Variants in ITGA3 observed in about 807,000 individuals in gnomAD.
ITGA3 encodes the protein integrin alpha-3.
Under a neutral mutation model 131.1 loss-of-function variants are expected in ITGA3, and 70 were observed. The observed-to-expected ratio is 0.53, with a 90% CI of 0.44 to 0.65. The LOEUF is 0.65. Among genes scored for constraint, ITGA3 ranks in the 30% least tolerant of loss-of-function variants. The probability of loss-of-function intolerance (pLI) is 0.00; values close to 1 mark genes in which losing one functional copy is unlikely to be tolerated. For missense variants in ITGA3, 1,098 were observed against 1,388.6 expected, an observed-to-expected ratio of 0.79 and a Z score of 3.33; for synonymous variants, 537 against 571.6, an observed-to-expected ratio of 0.94 and a Z score of 0.86.
Position 50,076,442 on chromosome 17 carries a change from CA to C in ITGA3, c.1793del (p.Asn598ThrfsTer42). ...LRSLDAYPIL[N>X]QAQALENHTE... ...GGTCCCTGGACGCCTACCCGATCCT[CA>C]ACCAGGCACAGGCTCTGGAGAACCA... On this transcript the variant is annotated frameshift_variant, in exon 13 of 26. Coordinates refer to ENST00000320031, the MANE Select transcript of ITGA3 (RefSeq NM_002204.4). LOFTEE classifies it high-confidence loss of function. 1 of 1,610,512 alleles carries C rather than the reference CA, an allele frequency of 6.2e-7. No individual in the cohort carries two copies. Among genetic ancestry groups the C allele is most frequent in the Non-Finnish European group, 8.5e-7 (1 of 1,179,984 alleles).
Position 50,079,501 on chromosome 17 carries a change from G to A in ITGA3, c.2650G>A (p.Gly884Ser), listed in dbSNP as rs1424151086. The A allele has an allele frequency of 6.3e-7, 1 of 1,579,820 alleles. No individual in the cohort carries two copies. Among genetic ancestry groups the A allele is most frequent in the Non-Finnish European group, 8.6e-7 (1 of 1,163,804 alleles). ...RRQLDPGGGQ[G>S]PPPVTLAAAK... is the part of the protein sequence containing the mutation. ...ACAGCTGGATCCAGGGGGAGGCCAG[G>A]GCCCCCCACCTGTCACTCTGGCTGC... Residue 884 changes from glycine (G) to serine (S), a missense_variant, in exon 21 of 26, where the codon GGC (glycine) becomes AGC (serine). Gly to Ser is a moderately conservative substitution (Grantham distance 56). Transcript: ENST00000320031.
chr17:50,084,007 C>T (rs546773935), intron 23 of ITGA3, among the ~76,000 whole-genome samples: 8 of 151,386 alleles, frequency 5.3e-5, no homozygotes, highest in African/African-American at 1.9e-4. Context: ...GAGGCCAAGG[C>T]GGGTGGATCA....
In ITGA3 at chr17:50,079,119, T is replaced by G; in HGVS notation, c.2444T>G (p.Val815Gly). The change falls in exon 20 of 26, where the codon GTC becomes GGC. Residue 815 changes from valine (V) to glycine (G), a missense_variant. Transcript: ENST00000320031. Reference sequence around the variant, plus strand: ...GGGCTGGTGGGCCTGGGGACCCTGGTCCTAGGTCTGGAGTGGCCCTACGAA... The same window carrying G: ...GGGCTGGTGGGCCTGGGGACCCTGGGCCTAGGTCTGGAGTGGCCCTACGAA... Reference protein sequence around the residue: ...GEGLVGLGTLVLGLEWPYEVS... With the variant: ...GEGLVGLGTLGLGLEWPYEVS... The G allele has an allele frequency of 1.2e-6, 2 of 1,613,868 alleles. No homozygotes were observed. The highest frequency in any genetic ancestry group is 1.7e-6 in the Non-Finnish European group (2 of 1,179,948).
chr17:50,056,243 G>C lies in ITGA3; in HGVS notation c.-197G>C. 3 of 467,964 alleles carry C rather than the reference G, an allele frequency of 6.4e-6. No individual in the cohort carries two copies. Among genetic ancestry groups the C allele is most frequent in the Middle Eastern group, 5.4e-4 (1 of 1,846 alleles). 29.0% of individuals were successfully genotyped at this position (467,964 alleles called of 1,614,324 possible). Reference sequence around the variant, plus strand: ...TGGGGAGGCAGGAAGATAGACCCACGGATCTTAGGAAGGGATCCGAGAGCG... The same window carrying C: ...TGGGGAGGCAGGAAGATAGACCCACCGATCTTAGGAAGGGATCCGAGAGCG... On this transcript the variant is annotated 5_prime_UTR_variant, in exon 1 of 26. Coordinates refer to ENST00000320031, the MANE Select transcript of ITGA3 (RefSeq NM_002204.4). The surrounding 1 kb of genome is among the most constrained non-coding windows in gnomAD (Gnocchi z 5.6).
Position 50,076,329 on chromosome 17 carries a change from A to G in ITGA3, c.1678A>G (p.Asn560Asp). Residue 560 changes from asparagine (N) to aspartate (D), a missense_variant, in exon 13 of 26, where the codon AAC becomes GAC. Physicochemically the swap from Asn to Asp is conservative, Grantham distance 23 (BLOSUM62 1). Transcript: ENST00000320031. ...TCAGCTCACCCTCTCTCCCCAGGAC[A>G]ACCTCCGTGACAAACTCCGCCCCAT... is the stretch of plus-strand genomic sequence containing the variant. ...CQKLELLLMD[N>D]LRDKLRPIII... 3.1e-6 allele frequency: 5 copies of G among 1,613,342 alleles called. No homozygotes were observed. The highest frequency in any genetic ancestry group is 4.2e-6 in the Non-Finnish European group (5 of 1,179,780).
rs1368684277 is a variant in ITGA3, at chr17:50,079,057, A to G, written c.2401-19A>G. The G allele has an allele frequency of 6.2e-7, 1 of 1,603,826 alleles. No individual in the cohort carries two copies. The highest frequency in any genetic ancestry group is 8.5e-7 in the Non-Finnish European group (1 of 1,171,046). ...GGTTTTCCAGGAGATAATGACTATGACACATCTTGTGCCCACAGGTGGGCC... is the reference window on the plus strand; with the variant it reads ...GGTTTTCCAGGAGATAATGACTATGGCACATCTTGTGCCCACAGGTGGGCC... On this transcript the variant is annotated intron_variant, in intron 19 of 25. Transcript: ENST00000320031.
chr17:50,087,788 C>T lies in ITGA3; in HGVS notation c.2964C>T (p.Ala988=), dbSNP rs140166180. ...CGGAGCTGGTGGAGGAGCTGCCGGC[C>T]GAAATCGAGCTGTGGCTGGTGCTGG... The part of the protein sequence containing the change: ...IDSELVEELP[A]EIELWLVLVA... Residue 988 remains alanine (A), a synonymous_variant, in exon 24 of 26, where the codon GCC becomes GCT. Coordinates refer to ENST00000320031, the MANE Select transcript of ITGA3 (RefSeq NM_002204.4). 103 of 1,613,104 alleles carry T rather than the reference C, an allele frequency of 6.4e-5. No homozygotes were observed. Among genetic ancestry groups the T allele is most frequent in the East Asian group, 4.7e-4 (21 of 44,890 alleles).
intron 23 of ITGA3, among the ~76,000 whole-genome samples, chr17:50,084,682 G>C (rs1909314271): frequency 1.3e-5 from 2 of 152,154 alleles, no homozygotes; most frequent in African/African-American, 4.8e-5. Flanking sequence ...CACTTTGGGA[G>C]GCCAAGGTAG....
chr17:50,063,919 C>T, intron 1 of ITGA3, 158 bp from the exon 2 acceptor site: 6 of 1,000,756 alleles, frequency 6.0e-6, no homozygotes, highest in South Asian at 3.4e-5. Context: ...TGTCTTTTTT[C>T]CTTGCCTGCC....
At chr17:50,078,435 A>T in intron 18 of ITGA3, 151 bp downstream of exon 18, 1 of 628,726 alleles carries the variant, frequency 1.6e-6, no homozygotes. Context: ...TTTCTTAACA[A>T]CAACAATCAC....
chr17:50,088,328 A>G lies in ITGA3; in HGVS notation c.3149A>G (p.Asp1050Gly), dbSNP rs1322208416. 2 of 1,573,030 alleles carry G rather than the reference A, an allele frequency of 1.3e-6. No individual in the cohort carries two copies. The highest frequency in any genetic ancestry group is 1.7e-6 in the Non-Finnish European group (2 of 1,159,734). The part of the protein sequence containing the change: ...QPSETERLTD[D>G]Y ...TCAGAGACAGAGAGGCTGACCGACG[A>G]CTACTGAGGGGGCAGCCCCCCGCCC... The change falls in exon 25 of 26, where the codon GAC becomes GGC. Residue 1050 changes from aspartate to glycine, a missense_variant. Around this residue, in one of 3 missense-constraint regions of ITGA3, gnomAD observed 699 missense variants for 829.2 expected, o/e 0.84. Transcript: ENST00000320031.
rs1011868262 is a variant in ITGA3 at position 50,071,994 on chromosome 17, A to G, written c.968A>G (p.Asp323Gly). 7.4e-6 allele frequency: 12 copies of G among 1,612,304 alleles called. No individual in the cohort carries two copies. The highest frequency in any genetic ancestry group is 1.3e-5 in the African/African-American group (1 of 74,566). Reference sequence around the variant, plus strand: ...CCTCCTCTCCTGTGTAGGTGGCAGGACCTCCTGGTGGGCGCCCCCTACTAC... The same window carrying G: ...CCTCCTCTCCTGTGTAGGTGGCAGGGCCTCCTGGTGGGCGCCCCCTACTAC... ...LADLNNDGWQDLLVGAPYYFE... is the reference protein window; with the variant it reads ...LADLNNDGWQGLLVGAPYYFE... Residue 323 changes from aspartate to glycine, a missense_variant, in exon 7 of 26, where the codon GAC (aspartate) becomes GGC (glycine). Physicochemically the swap from Asp to Gly is moderately conservative, Grantham distance 94 (BLOSUM62 -1). This residue lies in a region of ITGA3 where 356 missense variants were observed against 529.2 expected (regional missense o/e 0.67). Coordinates refer to ENST00000320031, the MANE Select transcript of ITGA3 (RefSeq NM_002204.4).
chr17:50,073,110 G>A (rs1356355800), intron 7 of ITGA3, among the ~76,000 whole-genome samples: 1 of 152,170 alleles, frequency 6.6e-6, no homozygotes, highest in Non-Finnish European at 1.5e-5. Flanking sequence ...TCCCTTTACA[G>A]GCCTTACTAA....
At position 50,076,454 on chromosome 17, in the gene ITGA3, G is replaced by A. The variant is rs1908899709; in HGVS notation, c.1803G>A (p.Gln601=). ...CCTACCCGATCCTCAACCAGGCACA[G>A]GCTCTGGAGAACCACACTGAGGTGA... is the stretch of plus-strand genomic sequence containing the variant. ...LDAYPILNQA[Q]ALENHTEVQF... The change falls in exon 13 of 26, where the codon CAG becomes CAA. Residue 601 remains glutamine, a synonymous_variant. Coordinates refer to ENST00000320031, the MANE Select transcript of ITGA3 (RefSeq NM_002204.4). 5 of 1,609,870 alleles carry A rather than the reference G, an allele frequency of 3.1e-6. No individual in the cohort carries two copies. Among genetic ancestry groups the A allele is most frequent in the Non-Finnish European group, 4.2e-6 (5 of 1,179,972 alleles).
rs943934161 is a variant in ITGA3, at chr17:50,071,170, G to A, written c.752-141G>A. On this transcript the variant is annotated intron_variant, in intron 5 of 25. Transcript: ENST00000320031. ...CTGGGCCATGGCTGCTGGCCATCTGGAGTCTACTTTCTTGCCCTACTTGGA... is the reference window on the plus strand; with the variant it reads ...CTGGGCCATGGCTGCTGGCCATCTGAAGTCTACTTTCTTGCCCTACTTGGA... The A allele has an allele frequency of 1.0e-5, 8 of 789,536 alleles. No individual in the cohort carries two copies. The African/African-American group carries it at 1.2e-4, about 12-fold the overall frequency. The allele number at this position is 789,536 out of a possible 1,614,324, so 48.9% of individuals were successfully genotyped here.
Position 50,079,475 on chromosome 17 carries a change from G to C in ITGA3, c.2624G>C (p.Arg875Pro), listed in dbSNP as rs534635014. ...CCATCATCCCCACAGCGCAGGCGGC[G>C]ACAGCTGGATCCAGGGGGAGGCCAG... is the stretch of plus-strand genomic sequence containing the variant. ...DRPSSPQRRRRQLDPGGGQGP... is the reference protein window; with the variant it reads ...DRPSSPQRRRPQLDPGGGQGP... Residue 875 changes from arginine to proline, a missense_variant, in exon 21 of 26, where the codon CGA (arginine) becomes CCA (proline). This residue lies in a region of ITGA3 where 699 missense variants were observed against 829.2 expected (regional missense o/e 0.84). Coordinates refer to ENST00000320031, the MANE Select transcript of ITGA3 (RefSeq NM_002204.4). 6 of 1,578,386 alleles carry C rather than the reference G, an allele frequency of 3.8e-6. No homozygotes were observed. In the East Asian group the frequency reaches 1.4e-4, roughly 36 times the overall value.
chr17:50,080,468 GTGTGTGTGT>G (rs1909142148), intron 22 of ITGA3, 93 bp downstream of exon 22: 1 of 143,088 alleles, frequency 7.0e-6, no homozygotes, highest in African/African-American at 3.5e-5. Context: ...GCATGGGTGT[GTGTGTGTGT>G]GTGTGTGTGT....
Position 50,089,302 on chromosome 17 carries a change from C to G in ITGA3, c.*224C>G, listed in dbSNP as rs1187758284. On this transcript the variant is annotated 3_prime_UTR_variant, in exon 26 of 26. Transcript: ENST00000320031. ...ATCCCACCCCCTCCTCCCCCAGTGTCCCCTTTCTTCCTATTTATCATAAGT... is the reference window on the plus strand; with the variant it reads ...ATCCCACCCCCTCCTCCCCCAGTGTGCCCTTTCTTCCTATTTATCATAAGT... The G allele has an allele frequency of 3.2e-6, 5 of 1,552,488 alleles. No homozygotes were observed. The highest frequency in any genetic ancestry group is 2.3e-5 in the East Asian group (1 of 44,210).
At chr17:50,071,890 G>C (rs1456635776) in intron 6 of ITGA3, 96 bp from the exon 7 acceptor site, 1 of 1,105,788 alleles carries the variant, frequency 9.0e-7, no homozygotes, top group Non-Finnish European at 1.3e-6. Flanking sequence ...CATTTGCAGA[G>C]CCCTGTGCCC....
Sources: gnomAD v4.1 joint callset for allele counts (sites outside exome capture counted in the v4.1 genomes callset) on GRCh38, gnomAD v4.1.1 for gene constraint, gnomAD v4.1.1 regional missense constraint, Gnocchi (gnomAD v3.1) non-coding constraint, MANE v1.5 for transcripts, NCBI Gene and HGNC (gene_info 2026-07-23, HGNC 2026-07-21) for gene names.